Variants in CD1E observed in about 807,000 individuals in gnomAD.
CD1E encodes T-cell surface glycoprotein CD1e, membrane-associated.
In CD1E, 49 loss-of-function variants were observed where a neutral mutation model predicts 40.1. That is an observed-to-expected ratio of 1.22 (90% confidence interval 0.97 to 1.55). CD1E has a LOEUF of 1.55. Among genes scored for constraint, CD1E ranks in the 40% most tolerant of loss-of-function variants. The probability of loss-of-function intolerance (pLI) is 0.00; values close to 1 mark genes in which losing one functional copy is unlikely to be tolerated. For missense variants in CD1E, 492 were observed against 471.3 expected, an observed-to-expected ratio of 1.04 and a Z score of -0.41; for synonymous variants, 189 against 178.3, an observed-to-expected ratio of 1.06 and a Z score of -0.48.
intron 1 of CD1E, 160 bp from the exon 2 acceptor site, chr1:158,354,217 C>T: frequency 2.1e-6 from 2 of 939,812 alleles, no homozygotes; most frequent in Non-Finnish European, 3.2e-6. Context: ...CAGTTTTTGT[C>T]TCTGATTTTG....
rs1653778973 is a variant in CD1E at position 158,356,885 on chromosome 1, C to T, written c.1156C>T (p.Gln386Ter). Residue 386 changes from glutamine (Q) to a stop codon, truncating the protein, a stop_gained, in exon 6 of 6, where the codon CAA (glutamine) becomes TAA (stop). Coordinates refer to ENST00000368167, the MANE Select transcript of CD1E (RefSeq NM_030893.4). LOFTEE classifies it high-confidence loss of function. ...GAAGAAGTGGAAGACACGCCTAAAC[C>T]AACTCTGGTGACATTTGCTTTACCT... ...VLKKWKTRLN[Q>*]LW The T allele has an allele frequency of 1.2e-6, 2 of 1,613,816 alleles. No individual in the cohort carries two copies. Among genetic ancestry groups the T allele is most frequent in the Non-Finnish European group, 1.7e-6 (2 of 1,179,816 alleles).
At position 158,355,828 on chromosome 1, in the gene CD1E, G is replaced by T; in HGVS notation, c.627G>T (p.Val209=). 2 of 1,607,298 alleles carry T rather than the reference G, an allele frequency of 1.2e-6. No individual in the cohort carries two copies. Among genetic ancestry groups the T allele is most frequent in the Non-Finnish European group, 8.5e-7 (1 of 1,176,394 alleles). ...EAGESELKRK[V]KPEAWLSCGP... The stretch of plus-strand genomic sequence containing the variant: ...TTTTTTCTATCTTCTTCTTCCTAGT[G>T]AAGCCAGAGGCCTGGCTGTCCTGTG... The change falls in exon 4 of 6, where the codon GTG becomes GTT. Residue 209 remains valine (V), a splice_region_variant and synonymous_variant. Transcript: ENST00000368167.
Position 158,357,136 on chromosome 1 carries a change from A to G in CD1E, c.*240A>G. ...TTCTTTTTCATGGATTCCCGAGATC[A>G]CCCAATTGATAGCTCTTCTGTACTC... On this transcript the variant is annotated 3_prime_UTR_variant, in exon 6 of 6. Coordinates refer to ENST00000368167, the MANE Select transcript of CD1E (RefSeq NM_030893.4). 2.3e-6 allele frequency: 1 copy of G among 429,972 alleles called. No individual in the cohort carries two copies. Among genetic ancestry groups the G allele is most frequent in the Admixed American group, 3.7e-5 (1 of 27,364 alleles). 26.6% of individuals were successfully genotyped at this position (429,972 alleles called of 1,614,324 possible). A position where few individuals can be genotyped will look rare whatever the true frequency, so the allele number is the denominator to read the frequency against.
intron 2 of CD1E, 72 bp from the exon 3 acceptor site, chr1:158,355,228 A>T: frequency 1.4e-6 from 2 of 1,452,258 alleles, no homozygotes; most frequent in Non-Finnish European, 9.4e-7. Context: ...GAATCTCTTT[A>T]CTGTCTAAAT....
chr1:158,356,485 T>G lies in CD1E; in HGVS notation c.905-13T>G. 2.5e-6 allele frequency: 4 copies of G among 1,581,556 alleles called. No individual in the cohort carries two copies. The highest frequency in any genetic ancestry group is 3.5e-6 in the Non-Finnish European group (4 of 1,151,608). On this transcript the variant is annotated splice_polypyrimidine_tract_variant and intron_variant, in intron 4 of 5. Transcript: ENST00000368167. The stretch of plus-strand genomic sequence containing the variant: ...TATTTTAGGGTTGGTATTCTTATTC[T>G]ATCCCCAACCAGGTGGATATTCCAT...
At chr1:158,356,195 G>T (rs975322182) in intron 4 of CD1E, 90 bp downstream of exon 4, 1 of 1,417,382 alleles carries the variant, frequency 7.1e-7, no homozygotes, top group East Asian at 2.3e-5. Flanking sequence ...AGGAATGCTA[G>T]GTACAAGAAG....
In CD1E at chr1:158,356,868, G is replaced by A. The variant is rs754573725; in HGVS notation, c.1139G>A (p.Trp380Ter). 1 of 1,613,890 alleles carries A rather than the reference G, an allele frequency of 6.2e-7. No individual in the cohort carries two copies. Among genetic ancestry groups the A allele is most frequent in the South Asian group, 1.1e-5 (1 of 91,056 alleles). The change falls in exon 6 of 6, where the codon TGG becomes TAG. Residue 380 changes from tryptophan (W) to a stop codon, truncating the protein, a stop_gained. Coordinates refer to ENST00000368167, the MANE Select transcript of CD1E (RefSeq NM_030893.4). LOFTEE classifies it high-confidence loss of function. ...SWIKNRVLKK[W>*]KTRLNQLW is the part of the protein sequence containing the mutation. ...ATCAAAAACAGAGTATTGAAGAAGT[G>A]GAAGACACGCCTAAACCAACTCTGG...
chr1:158,356,948 G>T lies in CD1E; in HGVS notation c.*52G>T, dbSNP rs374461419. 4 of 1,442,926 alleles carry T rather than the reference G, an allele frequency of 2.8e-6. No homozygotes were observed. Among genetic ancestry groups the T allele is most frequent in the Admixed American group, 1.7e-5 (1 of 59,540 alleles). 89.4% of individuals were successfully genotyped at this position (1,442,926 alleles called of 1,614,324 possible). A position where few individuals can be genotyped will look rare whatever the true frequency, so the allele number is the denominator to read the frequency against. On this transcript the variant is annotated 3_prime_UTR_variant, in exon 6 of 6. Transcript: ENST00000368167. ...CCTTGTCTGCATCTTCTTAAACACC[G>T]TCCATGTCCCATAAGGGAAGCATGC...
At chr1:158,356,223 CAAAAT>C (rs749800335) in intron 4 of CD1E, 118 bp downstream of exon 4, 4 of 1,195,016 alleles carry the variant, frequency 3.3e-6, no homozygotes, top group Non-Finnish European at 4.7e-6. Flanking sequence ...CTGGGACAAT[CAAAAT>C]AAAGAAGGAT....
rs561717541 is a variant in CD1E, at chr1:158,355,893, A to G, written c.692A>G (p.His231Arg). 3.1e-6 allele frequency: 5 copies of G among 1,614,022 alleles called. No homozygotes were observed. Among genetic ancestry groups the G allele is most frequent in the East Asian group, 2.2e-5 (1 of 44,846 alleles). Residue 231 changes from histidine to arginine, a missense_variant, in exon 4 of 6, where the codon CAT (histidine) becomes CGT (arginine). His to Arg is a conservative substitution (Grantham distance 29). Coordinates refer to ENST00000368167, the MANE Select transcript of CD1E (RefSeq NM_030893.4). ...CCTGGCCGTCTGCAGCTTGTGTGCCATGTCTCAGGATTCTACCCAAAGCCC... is the reference window on the plus strand; with the variant it reads ...CCTGGCCGTCTGCAGCTTGTGTGCCGTGTCTCAGGATTCTACCCAAAGCCC... The part of the protein sequence containing the change: ...PGPGRLQLVC[H>R]VSGFYPKPVW...
intron 3 of CD1E, 99 bp downstream of exon 3, chr1:158,355,668 T>G (rs1653540640): frequency 1.2e-5 from 18 of 1,442,292 alleles, no homozygotes; most frequent in Non-Finnish European, 1.6e-5. Flanking sequence ...AGTGAGAGAC[T>G]AGAGAATGAG....
chr1:158,354,110 G>A (rs762095849), intron 1 of CD1E, 64 bp downstream of exon 1: 16 of 1,425,014 alleles, frequency 1.1e-5, no homozygotes, highest in Admixed American at 1.7e-5. Flanking sequence ...AGGAAGCTCT[G>A]GGGAGGTCCT....
At chr1:158,355,623 T>A in intron 3 of CD1E, 54 bp downstream of exon 3, 1 of 1,555,690 alleles carries the variant, frequency 6.4e-7, no homozygotes, top group Non-Finnish European at 8.7e-7. Context: ...ACTCTCATAT[T>A]TGAATTTGCC....
At chr1:158,354,304 T>C in intron 1 of CD1E, 73 bp from the exon 2 acceptor site, 1 of 1,394,912 alleles carries the variant, frequency 7.2e-7, no homozygotes, top group Non-Finnish European at 9.8e-7. Flanking sequence ...ATCTCTGGGT[T>C]CCTTTTTTCC....
At chr1:158,355,601 C>T (rs1341002107) in intron 3 of CD1E, 32 bp downstream of exon 3, 1 of 1,600,240 alleles carries the variant, frequency 6.2e-7, no homozygotes, top group Non-Finnish European at 8.5e-7. Flanking sequence ...CCCTCTTGTT[C>T]CTAGTACTAT....
In CD1E at chr1:158,355,855, C is replaced by A. The variant is rs1465534015; in HGVS notation, c.654C>A (p.Gly218=). ...AGCCAGAGGCCTGGCTGTCCTGTGG[C>A]CCCAGTCCTGGCCCTGGCCGTCTGC... The part of the protein sequence containing the change: ...KVKPEAWLSC[G]PSPGPGRLQL... Residue 218 remains glycine (G), a synonymous_variant, in exon 4 of 6, where the codon GGC becomes GGA. Transcript: ENST00000368167. 1.9e-6 allele frequency: 3 copies of A among 1,613,856 alleles called. No individual in the cohort carries two copies. The Admixed American group carries it at 5.0e-5, about 27-fold the overall frequency.
chr1:158,356,249 A>G (rs1177599505), intron 4 of CD1E, 144 bp downstream of exon 4: 2 of 1,018,412 alleles, frequency 2.0e-6, no homozygotes, highest in Non-Finnish European at 2.8e-6. Flanking sequence ...AGAGTATGAC[A>G]GTAGTTAAAT....
At chr1:158,356,417 C>A in intron 4 of CD1E, 81 bp from the exon 5 acceptor site, 2 of 1,157,180 alleles carry the variant, frequency 1.7e-6, no homozygotes, top group South Asian at 1.4e-5. Context: ...CTAGGAAGGT[C>A]CCACCCTTGT....
Position 158,355,996 on chromosome 1 carries a change from G to A in CD1E, c.795G>A (p.Glu265=), listed in dbSNP as rs778114294. 3 of 1,614,184 alleles carry A rather than the reference G, an allele frequency of 1.9e-6. No homozygotes were observed. Among genetic ancestry groups the A allele is most frequent in the East Asian group, 2.2e-5 (1 of 44,856 alleles). The change falls in exon 4 of 6, where the codon GAG becomes GAA. Residue 265 remains glutamate, a synonymous_variant. Transcript: ENST00000368167. ...QRGDVLPNAD[E]TWYLRATLDV... Reference sequence around the variant, plus strand: ...GGGACGTCCTGCCTAATGCTGACGAGACATGGTATCTCCGAGCAACCCTGG... The same window carrying A: ...GGGACGTCCTGCCTAATGCTGACGAAACATGGTATCTCCGAGCAACCCTGG...
Sources: gnomAD v4.1 joint callset for allele counts on GRCh38, gnomAD v4.1.1 for gene constraint, MANE v1.5 for transcripts, NCBI Gene and HGNC (gene_info 2026-07-23, HGNC 2026-07-21) for gene names.